Variants in VPS13D observed in about 807,000 individuals in gnomAD.
VPS13D encodes vacuolar protein sorting 13 homolog D, also known as intermembrane lipid transfer protein VPS13D.
VPS13D carries 187 observed loss-of-function variants against 461.9 expected under a neutral mutation model. The observed-to-expected ratio is 0.40, with a 90% CI of 0.36 to 0.46. The LOEUF is 0.46. VPS13D is among the 20% of genes least tolerant of loss of function. The pLI, the probability that VPS13D is intolerant of heterozygous loss-of-function variation, is 0.60. For missense variants in VPS13D, 4,711 were observed against 5,364.9 expected, an observed-to-expected ratio of 0.88 and a Z score of 3.81; for synonymous variants, 1,951 against 1,986.3, an observed-to-expected ratio of 0.98 and a Z score of 0.47.
intron 67 of VPS13D, chr1:12,478,728 T>G (rs1645670012): frequency 2.2e-6 from 1 of 452,092 alleles, no homozygotes. Flanking sequence ...CAAAGCAGTC[T>G]GCCTCCCTCC....
Position 12,279,676 on chromosome 1 carries a change from G to A in VPS13D, c.4602+26G>A. 2 of 1,595,880 alleles carry A rather than the reference G, an allele frequency of 1.3e-6. No individual in the cohort carries two copies. Among genetic ancestry groups the A allele is most frequent in the Non-Finnish European group, 1.7e-6 (2 of 1,167,750 alleles). ...GTAAATTCATGTCAGGGCAGTTGAA[G>A]TCATATGTTTATATTAGTACTCTAT... On this transcript the variant is annotated intron_variant, in intron 20 of 69. Coordinates refer to ENST00000620676, the MANE Select transcript of VPS13D (RefSeq NM_015378.4). The surrounding 1 kb of genome is among the most constrained non-coding windows in gnomAD (Gnocchi z 4.3).
intron 7 of VPS13D, among the ~76,000 whole-genome samples, chr1:12,255,341 T>C (rs1475450283): frequency 1.3e-5 from 2 of 152,214 alleles, no homozygotes; most frequent in Non-Finnish European, 2.9e-5. Context: ...ATGATGAGTA[T>C]GTAACAGTCT....
At chr1:12,432,962 C>T (rs1306950487) in intron 65 of VPS13D, among the ~76,000 whole-genome samples, 1 of 152,230 alleles carries the variant, frequency 6.6e-6, no homozygotes, top group East Asian at 1.9e-4. Flanking sequence ...ATGACTGCCC[C>T]ACCAGTCCCA....
At chr1:12,307,528 G>A (rs1642600647) in intron 26 of VPS13D, among the ~76,000 whole-genome samples, 2 of 152,124 alleles carry the variant, frequency 1.3e-5, no homozygotes. Context: ...ATGGAGTCTT[G>A]TTCTGCCCAG....
intron 1 of VPS13D, among the ~76,000 whole-genome samples, chr1:12,233,696 T>C (rs1640057507): frequency 6.6e-6 from 1 of 152,196 alleles, no homozygotes; most frequent in Non-Finnish European, 1.5e-5. Flanking sequence ...GTAGGTGTTT[T>C]GGTTTGGCCC....
intron 54 of VPS13D, among the ~76,000 whole-genome samples, chr1:12,371,771 AT>A (rs909763458): frequency 2.0e-4 from 31 of 152,022 alleles, no homozygotes; most frequent in African/African-American, 7.3e-4. Context: ...TTATCCAGTT[AT>A]TTGTTGATGG....
chr1:12,328,990 C>T (rs1643262854), intron 36 of VPS13D, among the ~76,000 whole-genome samples: 1 of 152,166 alleles, frequency 6.6e-6, no homozygotes, highest in Non-Finnish European at 1.5e-5. Context: ...AGAGCTTGCC[C>T]TTTCCCTGAG....
intron 65 of VPS13D, among the ~76,000 whole-genome samples, chr1:12,444,036 G>T (rs1349809821): frequency 1.3e-5 from 2 of 151,836 alleles, no homozygotes; most frequent in Non-Finnish European, 2.9e-5. Flanking sequence ...TTAGAGACAG[G>T]GTTTCACCAT....
chr1:12,271,053 A>G lies in VPS13D; in HGVS notation c.2032A>G (p.Asn678Asp). ...GGCTGAAGCTGCCCGAAGACAATAT[A>G]ACAAGCTGAAGATGCAGACCAAGGC... ...RVAEAARRQY[N>D]KLKMQTKAEI... The change falls in exon 17 of 70, where the codon AAC (asparagine) becomes GAC (aspartate). Residue 678 changes from asparagine (N) to aspartate (D), a missense_variant. This residue lies in a region of VPS13D where 4,411 missense variants were observed against 4,937.8 expected (regional missense o/e 0.89). Transcript: ENST00000620676. The G allele has an allele frequency of 1.2e-6, 2 of 1,614,006 alleles. No homozygotes were observed. Among genetic ancestry groups the G allele is most frequent in the Non-Finnish European group, 1.7e-6 (2 of 1,179,942 alleles).
rs1646153960 is a variant in VPS13D, at chr1:12,509,235, A to G, written c.*211A>G. 2 of 578,762 alleles carry G rather than the reference A, an allele frequency of 3.5e-6. No homozygotes were observed. The highest frequency in any genetic ancestry group is 6.2e-5 in the East Asian group (2 of 32,378). 35.9% of individuals were successfully genotyped at this position (578,762 alleles called of 1,614,324 possible). ...GAGTTATTTTAGATTATGGGAAATA[A>G]TTTTTAAAGGTATTGGTTAAATAAC... On this transcript the variant is annotated 3_prime_UTR_variant, in exon 70 of 70. Transcript: ENST00000620676.
At chr1:12,427,941 G>C (rs889111267) in intron 65 of VPS13D, among the ~76,000 whole-genome samples, 30 of 152,184 alleles carry the variant, frequency 2.0e-4, no homozygotes, top group Non-Finnish European at 4.4e-4. Flanking sequence ...TTGTTGCACT[G>C]TTCATTAACC....
intron 2 of VPS13D, among the ~76,000 whole-genome samples, chr1:12,240,060 C>T (rs1640294453): frequency 1.3e-5 from 2 of 152,106 alleles, no homozygotes; most frequent in Admixed American, 1.3e-4. Context: ...TCTTAAACTA[C>T]GGCCATGCTG....
At position 12,350,481 on chromosome 1, in the gene VPS13D, A is replaced by G. The variant is rs1423178761; in HGVS notation, c.9431+1107A>G. 3.9e-5 allele frequency among the ~76,000 whole-genome samples: 6 copies of G among 152,340 alleles called. No homozygotes were observed. In the East Asian group the frequency reaches 1.2e-3, roughly 29 times the overall value. On this transcript the variant is annotated intron_variant, in intron 46 of 69. Transcript: ENST00000620676. ...TAGAAAATATTTTGAATCAAAAGGT[A>G]ATAAAAGGCAGACATGTTTAAATAT... is the stretch of plus-strand genomic sequence containing the variant.
Position 12,279,742 on chromosome 1 carries a change from A to G in VPS13D, c.4602+92A>G, listed in dbSNP as rs1641721262. The G allele has an allele frequency of 1.7e-6, 2 of 1,158,644 alleles. No homozygotes were observed. Among genetic ancestry groups the G allele is most frequent in the Non-Finnish European group, 2.3e-6 (2 of 872,216 alleles). 71.8% of individuals were successfully genotyped at this position (1,158,644 alleles called of 1,614,324 possible). A position where few individuals can be genotyped will look rare whatever the true frequency, so the allele number is the denominator to read the frequency against. ...TTATGTATATTACATGTTGGAAGGA[A>G]TATATATTTTCAAAGATATATCACC... On this transcript the variant is annotated intron_variant, in intron 20 of 69. Coordinates refer to ENST00000620676, the MANE Select transcript of VPS13D (RefSeq NM_015378.4). This position sits in a 1 kb window ranked among gnomAD's most constrained non-coding sequence, Gnocchi z 4.3.
intron 17 of VPS13D, among the ~76,000 whole-genome samples, chr1:12,272,232 A>T (rs985302251): frequency 6.6e-6 from 1 of 152,178 alleles, no homozygotes; most frequent in Non-Finnish European, 1.5e-5. Context: ...GGTGACATGG[A>T]GGTGCACTGC....
rs1205100539 is a variant in VPS13D, at chr1:12,510,519, C to CTGTGTGTG, written c.*1500_*1501insGTGTGTGT. On this transcript the variant is annotated 3_prime_UTR_variant, in exon 70 of 70. Coordinates refer to ENST00000620676, the MANE Select transcript of VPS13D (RefSeq NM_015378.4). ...TTCCTCTCCCACTTCCCCTCTGTGT[C>CTGTGTGTG]TGTGTCTGTGTGTGTGTGTGTGTGT... is the stretch of plus-strand genomic sequence containing the variant. The CTGTGTGTG allele has an allele frequency of 6.9e-6, 1 of 145,692 alleles. No individual in the cohort carries two copies. The highest frequency in any genetic ancestry group is 1.5e-5 in the Non-Finnish European group (1 of 67,388). The allele number at this position is 145,692 out of a possible 1,614,324, so 9.0% of individuals were successfully genotyped here.
At chr1:12,425,355 C>G (rs938772817) in intron 65 of VPS13D, among the ~76,000 whole-genome samples, 1 of 151,938 alleles carries the variant, frequency 6.6e-6, no homozygotes, top group Admixed American at 6.6e-5. Context: ...GTCAGGAATT[C>G]GAGACCAGCA....
chr1:12,465,267 A>AT (rs1645467352), intron 67 of VPS13D: 1 of 152,206 alleles, frequency 6.6e-6, no homozygotes, highest in South Asian at 2.1e-4. Flanking sequence ...GCAGATGAAG[A>AT]TTTATGAAGC....
At chr1:12,416,955 C>T in intron 65 of VPS13D, 128 bp downstream of exon 65, 3 of 1,075,152 alleles carry the variant, frequency 2.8e-6, no homozygotes, top group Non-Finnish European at 2.5e-6. Flanking sequence ...GCCCACATGC[C>T]TTGCCTTTTC....
Sources: allele counts gnomAD v4.1 joint callset (sites outside exome capture counted in the v4.1 genomes callset), GRCh38; gene constraint gnomAD v4.1.1; regional missense constraint gnomAD v4.1.1; non-coding constraint Gnocchi (gnomAD v3.1); transcripts MANE v1.5; gene names NCBI Gene and HGNC (gene_info 2026-07-23, HGNC 2026-07-21).